The following CUBN variants were observed in gnomAD, a reference collection of about 807,000 sequenced individuals.
The protein encoded by CUBN is 460 kDa receptor.
CUBN carries 282 observed loss-of-function variants against 405.3 expected under a neutral mutation model. The observed-to-expected ratio is 0.70, with a 90% CI of 0.63 to 0.77. The LOEUF (loss-of-function observed/expected upper bound fraction) is 0.77, where lower values mean the gene tolerates loss of function less well. Ranked by LOEUF, CUBN falls within the 30% of genes least tolerant of loss-of-function variation. CUBN has a pLI of 0.00. For missense variants in CUBN, 4,514 were observed against 4,475.2 expected (o/e 1.01, Z -0.25); for synonymous variants, 1,684 against 1,617.0 (o/e 1.04, Z -0.99).
rs189749311 is a variant in CUBN, at chr10:16,860,316, C to T, written c.9455-8873G>A. Among the ~76,000 whole-genome samples, 70 of 152,044 alleles carry T rather than the reference C, an allele frequency of 4.6e-4. No individual in the cohort carries two copies. The East Asian group carries it at 8.1e-3, about 18-fold the overall frequency. ...AATAAAAGGGTTTAAAAACATATCA[C>T]GCAAATATGAATCAAAAGAAAGCTA... On this transcript the variant is annotated intron_variant, in intron 59 of 66. Coordinates refer to ENST00000377833, the MANE Select transcript of CUBN (RefSeq NM_001081.4).
rs760417282 is a variant in CUBN, at chr10:16,888,450, C to A, written c.8872G>T (p.Val2958Phe). 6.2e-7 allele frequency: 1 copy of A among 1,613,476 alleles called. No individual in the cohort carries two copies. Among genetic ancestry groups the A allele is most frequent in the South Asian group, 1.1e-5 (1 of 91,070 alleles). The change falls in exon 56 of 67, where the codon GTC becomes TTC. Residue 2958 changes from valine to phenylalanine, a missense_variant. By Grantham distance (50) the Val-to-Phe change is conservative. Transcript: ENST00000377833. ...TGGAAGGACACAAAAGTCAAGAGGACCACTGACAGAGGATTAGCCTCTATG... is the reference window on the plus strand; with the variant it reads ...TGGAAGGACACAAAAGTCAAGAGGAACACTGACAGAGGATTAGCCTCTATG... ...YVIEANPLSV[V>F]LLTFVSFHLE...
At chr10:16,910,142 T>G (rs1308079450) in intron 48 of CUBN, among the ~76,000 whole-genome samples, 1 of 151,782 alleles carries the variant, frequency 6.6e-6, no homozygotes, top group Non-Finnish European at 1.5e-5. Flanking sequence ...CTTCTTTTCT[T>G]CTTCTCTCCT....
At position 16,925,794 on chromosome 10, in the gene CUBN, G is replaced by C; in HGVS notation, c.6272-20C>G. 1.2e-6 allele frequency: 2 copies of C among 1,612,118 alleles called. No homozygotes were observed. The highest frequency in any genetic ancestry group is 2.2e-5 in the South Asian group (2 of 91,020). On this transcript the variant is annotated intron_variant, in intron 41 of 66. Transcript: ENST00000377833. ...CGCAGCCTTCCCACAAAGAAACAAA[G>C]GTCGGTTATTTAAATAGCATTGGCA...
chr10:17,080,857 A>T (rs1388594389), intron 17 of CUBN, among the ~76,000 whole-genome samples: 1 of 152,228 alleles, frequency 6.6e-6, no homozygotes, highest in Non-Finnish European at 1.5e-5. Context: ...CATCACCTTC[A>T]TTGAACTATT....
intron 17 of CUBN, among the ~76,000 whole-genome samples, chr10:17,080,558 T>G (rs1835945993): frequency 6.6e-6 from 1 of 152,198 alleles, no homozygotes; most frequent in Non-Finnish European, 1.5e-5. Flanking sequence ...GAGCCCCCTT[T>G]CTGGTTCCTC....
chr10:17,083,568 A>G (rs1836023535), intron 17 of CUBN, among the ~76,000 whole-genome samples: 1 of 85,904 alleles, frequency 1.2e-5, no homozygotes, highest in Admixed American at 1.3e-4. Context: ...GCTATGGTCA[A>G]TGCACTTCAA....
chr10:17,117,159 C>T (rs539464488), intron 6 of CUBN, among the ~76,000 whole-genome samples: 1 of 152,078 alleles, frequency 6.6e-6, no homozygotes, highest in South Asian at 2.1e-4. Flanking sequence ...GCATCTCTCT[C>T]TACTTTCCTT....
chr10:17,004,767 T>G (rs1252529051), intron 28 of CUBN, among the ~76,000 whole-genome samples: 2 of 151,776 alleles, frequency 1.3e-5, no homozygotes, highest in African/African-American at 4.8e-5. Context: ...CCTCCCAGTT[T>G]CAAGCTATTC....
At chr10:17,082,728 C>A (rs1015551836) in intron 17 of CUBN, among the ~76,000 whole-genome samples, 1 of 152,172 alleles carries the variant, frequency 6.6e-6, no homozygotes, top group Non-Finnish European at 1.5e-5. Flanking sequence ...CAACGTCACA[C>A]AATTGCATTT....
chr10:16,935,408 C>G (rs1310434868), intron 39 of CUBN, among the ~76,000 whole-genome samples: 1 of 152,120 alleles, frequency 6.6e-6, no homozygotes, highest in African/African-American at 2.4e-5. Context: ...CCTGCCTCAG[C>G]CTCCCAAAGT....
chr10:16,880,389 G>T (rs1840634925), intron 56 of CUBN, among the ~76,000 whole-genome samples: 1 of 152,186 alleles, frequency 6.6e-6, no homozygotes, highest in African/African-American at 2.4e-5. Context: ...AATGGTAGGA[G>T]CCAAAGATAC....
At chr10:16,916,965 C>T (rs896371722) in intron 45 of CUBN, among the ~76,000 whole-genome samples, 6 of 151,914 alleles carry the variant, frequency 3.9e-5, no homozygotes, top group African/African-American at 1.5e-4. Context: ...AGGTGCCCAC[C>T]ACCATGCCTG....
chr10:16,926,891 A>G (rs1323231841), intron 41 of CUBN, among the ~76,000 whole-genome samples: 1 of 151,656 alleles, frequency 6.6e-6, no homozygotes, highest in Admixed American at 6.6e-5. Context: ...GATGAATTGC[A>G]TACTGGTGAA....
chr10:16,959,242 G>A (rs10795435), intron 31 of CUBN, among the ~76,000 whole-genome samples: 104,395 of 152,114 alleles, frequency 0.69, 36,444 homozygotes, highest in African/African-American at 0.82. Context: ...ATGAAATTTT[G>A]AAACCTCAGG....
chr10:17,129,109 C>T lies in CUBN; in HGVS notation c.252+12G>A, dbSNP rs1564526708. 1.2e-6 allele frequency: 2 copies of T among 1,606,190 alleles called. No homozygotes were observed. Among genetic ancestry groups the T allele is most frequent in the Non-Finnish European group, 1.7e-6 (2 of 1,173,092 alleles). On this transcript the variant is annotated intron_variant, in intron 2 of 66. Coordinates refer to ENST00000377833, the MANE Select transcript of CUBN (RefSeq NM_001081.4). ...TATACAAAATGACTTCAATATATTT[C>T]CAGTGTATTACCTGATGTAAACACT...
intron 27 of CUBN, 121 bp downstream of exon 27, chr10:17,040,912 T>G: frequency 1.2e-6 from 1 of 836,358 alleles, no homozygotes; most frequent in Non-Finnish European, 2.0e-6. Flanking sequence ...GGGTGGTTGG[T>G]GTGTTATAGA....
At chr10:17,124,349 A>T (rs1472269303) in intron 4 of CUBN, among the ~76,000 whole-genome samples, 1 of 152,228 alleles carries the variant, frequency 6.6e-6, no homozygotes, top group African/African-American at 2.4e-5. Context: ...TACCAGTTTG[A>T]ATCTTGTTAA....
chr10:17,085,220 C>T (rs1397667714), intron 16 of CUBN, among the ~76,000 whole-genome samples: 4 of 152,176 alleles, frequency 2.6e-5, no homozygotes, highest in African/African-American at 9.6e-5. Flanking sequence ...CCAGCCCCAG[C>T]CCCTGTGCAG....
At chr10:17,101,639 C>T (rs559655080) in intron 13 of CUBN, among the ~76,000 whole-genome samples, 4 of 152,238 alleles carry the variant, frequency 2.6e-5, no homozygotes, top group African/African-American at 7.2e-5. Context: ...GGTTGAGAAA[C>T]AATATTTAGA....
Sources: gnomAD v4.1 joint callset for allele counts (sites outside exome capture counted in the v4.1 genomes callset) on GRCh38, gnomAD v4.1.1 for gene constraint, MANE v1.5 for transcripts, NCBI Gene and HGNC (gene_info 2026-07-23, HGNC 2026-07-21) for gene names.